Variants in TCF7L1 observed in about 807,000 individuals in gnomAD.
The protein encoded by TCF7L1 is transcription factor 7 like 1.
TCF7L1 carries 18 observed loss-of-function variants against 63.7 expected under a neutral mutation model. The observed-to-expected ratio is 0.28, with a 90% confidence interval of 0.20 to 0.42. TCF7L1 has a LOEUF of 0.42. TCF7L1 is among the 10% of genes least tolerant of loss of function. The pLI, the probability that TCF7L1 is intolerant of heterozygous loss-of-function variation, is 1.00. For synonymous variants in TCF7L1, 355 were observed against 340.9 expected (o/e 1.04, Z -0.46); for missense variants, 654 against 779.3 (o/e 0.84, Z 1.91).
At chr2:85,174,938 A>G (rs1020645050) in intron 3 of TCF7L1, among the ~76,000 whole-genome samples, 1 of 152,174 alleles carries the variant, frequency 6.6e-6, no homozygotes, top group Non-Finnish European at 1.5e-5. Context: ...GACCGTCTCA[A>G]AGTGTTACTA....
intron 3 of TCF7L1, among the ~76,000 whole-genome samples, chr2:85,216,119 G>C (rs1475448227): frequency 6.6e-6 from 1 of 152,274 alleles, no homozygotes; most frequent in African/African-American, 2.4e-5. Flanking sequence ...ATTCAGGGCT[G>C]TGTTAGGTGG....
intron 3 of TCF7L1, among the ~76,000 whole-genome samples, chr2:85,269,379 C>T (rs1681090207): frequency 6.6e-6 from 1 of 152,210 alleles, no homozygotes; most frequent in South Asian, 2.1e-4. Context: ...TTGCCTGTAA[C>T]ATGCATGTGT....
In TCF7L1 at chr2:85,306,510, G is replaced by A. The variant is rs866438305; in HGVS notation, c.1208G>A (p.Arg403Gln). The change falls in exon 10 of 12, where the codon CGG (arginine) becomes CAG (glutamine). Residue 403 changes from arginine to glutamine, a missense_variant. By Grantham distance (43) the Arg-to-Gln change is conservative (BLOSUM62 1). Transcript: ENST00000282111. The surrounding 1 kb of genome is among the most constrained non-coding windows in gnomAD (Gnocchi z 4.3). ...TACTACGAGCTGGCCCGGAAGGAGC[G>A]GCAGCTTCACTCGCAGCTCTACCCA... ...AKYYELARKE[R>Q]QLHSQLYPTW... is the part of the protein sequence containing the mutation. The A allele has an allele frequency of 5.0e-6, 8 of 1,614,006 alleles. No homozygotes were observed. The highest frequency in any genetic ancestry group is 4.0e-5 in the African/African-American group (3 of 74,902).
At chr2:85,149,991 A>C (rs952778147) in intron 3 of TCF7L1, among the ~76,000 whole-genome samples, 3 of 152,258 alleles carry the variant, frequency 2.0e-5, no homozygotes, top group Non-Finnish European at 4.4e-5. Flanking sequence ...CATTCGCCAA[A>C]GTGTAATTAC....
chr2:85,196,056 C>T (rs371833113), intron 3 of TCF7L1, among the ~76,000 whole-genome samples: 3 of 152,260 alleles, frequency 2.0e-5, no homozygotes, highest in African/African-American at 7.2e-5. Flanking sequence ...CCACAATAGT[C>T]ACAAAACCAG....
chr2:85,191,252 A>G (rs1679033956), intron 3 of TCF7L1, among the ~76,000 whole-genome samples: 1 of 152,154 alleles, frequency 6.6e-6, no homozygotes, highest in South Asian at 2.1e-4. Flanking sequence ...CCTTCCTCCC[A>G]AGGAAGGAGT....
intron 3 of TCF7L1, among the ~76,000 whole-genome samples, chr2:85,268,784 A>T (rs1409077603): frequency 7.2e-6 from 1 of 138,260 alleles, no homozygotes; most frequent in East Asian, 2.1e-4. Context: ...AAAAAAAAAA[A>T]GATTGGATGC....
intron 4 of TCF7L1, among the ~76,000 whole-genome samples, chr2:85,299,903 A>ACACACACACACACACACACACACACACT (rs1558660696): frequency 1.3e-5 from 2 of 150,146 alleles, no homozygotes; most frequent in African/African-American, 4.9e-5. Context: ...ACACACACAC[A>ACACACACACACACACACACACACACACT]CTGATGCCCA....
intron 3 of TCF7L1, among the ~76,000 whole-genome samples, chr2:85,199,901 G>A (rs1679235752): frequency 6.6e-6 from 1 of 152,132 alleles, no homozygotes. Context: ...ACCCTTAGCT[G>A]TTAGCAGTCA....
Position 85,270,880 on chromosome 2 carries a change from C to T in TCF7L1, c.442-12615C>T, listed in dbSNP as rs146914394. Among the ~76,000 whole-genome samples, 443 of 151,528 alleles carry T rather than the reference C, an allele frequency of 2.9e-3. 3 individuals are homozygous for T. Among genetic ancestry groups the T allele is most frequent in the African/African-American group, 9.2e-3 (379 of 41,256 alleles). On this transcript the variant is annotated intron_variant, in intron 3 of 11. Transcript: ENST00000282111. ...AATTTTTTTTGTATTTTTGTAGAGA[C>T]GGGGTCTCATCTAACTTTGTTTCCC... is the stretch of plus-strand genomic sequence containing the variant.
intron 3 of TCF7L1, among the ~76,000 whole-genome samples, chr2:85,176,902 G>A (rs577474053): frequency 5.4e-5 from 8 of 148,464 alleles, no homozygotes; most frequent in South Asian, 2.1e-4. Flanking sequence ...CAGGAGAATC[G>A]CTTAAACCCA....
chr2:85,260,219 C>T lies in TCF7L1; in HGVS notation c.442-23276C>T, dbSNP rs149478411. On this transcript the variant is annotated intron_variant, in intron 3 of 11. Transcript: ENST00000282111. ...ATAGCTGATAGCTGTCAAGTGCTTACAGCGAACCAGATGCTTCTGGGTGCC... is the reference window on the plus strand; with the variant it reads ...ATAGCTGATAGCTGTCAAGTGCTTATAGCGAACCAGATGCTTCTGGGTGCC... Among the ~76,000 whole-genome samples, 244 of 152,296 alleles carry T rather than the reference C, an allele frequency of 1.6e-3. 1 individual carries two copies. The highest frequency in any genetic ancestry group is 5.7e-3 in the African/African-American group (235 of 41,564).
At chr2:85,255,812 G>A (rs900333699) in intron 3 of TCF7L1, among the ~76,000 whole-genome samples, 5 of 152,328 alleles carry the variant, frequency 3.3e-5, no homozygotes, top group African/African-American at 9.6e-5. Flanking sequence ...GGAATGAGCC[G>A]CCTGTGGTGA....
At chr2:85,269,704 G>A (rs534351978) in intron 3 of TCF7L1, among the ~76,000 whole-genome samples, 1 of 152,220 alleles carries the variant, frequency 6.6e-6, no homozygotes, top group Non-Finnish European at 1.5e-5. Flanking sequence ...AGGAGGTGTT[G>A]TTTAATAGTA....
At chr2:85,170,615 CCT>C (rs144056870) in intron 3 of TCF7L1, among the ~76,000 whole-genome samples, 6 of 151,578 alleles carry the variant, frequency 4.0e-5, no homozygotes, top group Non-Finnish European at 7.4e-5. Flanking sequence ...GATTCTTCTT[CCT>C]CTCTCTCTCT....
intron 4 of TCF7L1, among the ~76,000 whole-genome samples, chr2:85,287,692 A>C (rs892794100): frequency 3.3e-5 from 5 of 152,208 alleles, no homozygotes; most frequent in African/African-American, 9.7e-5. Flanking sequence ...TTTATGGGAG[A>C]AAATCTTAAC....
At chr2:85,189,010 C>T (rs1334249636) in intron 3 of TCF7L1, among the ~76,000 whole-genome samples, 1 of 152,108 alleles carries the variant, frequency 6.6e-6, no homozygotes, top group Non-Finnish European at 1.5e-5. Flanking sequence ...GTAATGTGAT[C>T]TCAGAAGCAG....
chr2:85,218,639 TG>T (rs143835096), intron 3 of TCF7L1, among the ~76,000 whole-genome samples: 5,628 of 150,064 alleles, frequency 0.038, 146 homozygotes, highest in Non-Finnish European at 0.054. Context: ...TTTATTCCAA[TG>T]GGGGGGGGAA....
rs1386670989 is a variant in TCF7L1, at chr2:85,133,831, G to A, written c.147G>A (p.Gln49=). ...TCCAGGACGAGGGGGGCGAGGAGCA[G>A]GAGCCGAGCAGCGATAGCGCCTCGG... is the stretch of plus-strand genomic sequence containing the variant. The part of the protein sequence containing the change: ...IPFQDEGGEE[Q]EPSSDSASAQ... The change falls in exon 1 of 12, where the codon CAG becomes CAA. Residue 49 remains glutamine, a synonymous_variant. Transcript: ENST00000282111. The surrounding 1 kb of genome is among the most constrained non-coding windows in gnomAD (Gnocchi z 4.4). 2.7e-6 allele frequency: 4 copies of A among 1,495,712 alleles called. No individual in the cohort carries two copies. Among genetic ancestry groups the A allele is most frequent in the African/African-American group, 2.9e-5 (2 of 69,130 alleles). 92.7% of individuals were successfully genotyped at this position (1,495,712 alleles called of 1,614,324 possible).
Sources: allele counts gnomAD v4.1 joint callset (sites outside exome capture counted in the v4.1 genomes callset), GRCh38; gene constraint gnomAD v4.1.1; non-coding constraint Gnocchi (gnomAD v3.1); transcripts MANE v1.5; gene names NCBI Gene and HGNC (gene_info 2026-07-23, HGNC 2026-07-21).